Variants in COL24A1 observed in about 807,000 individuals in gnomAD.
COL24A1 encodes collagen alpha-1(XXIV) chain.
COL24A1 carries 224 observed loss-of-function variants against 253.9 expected under a neutral mutation model. The ratio of observed to expected loss-of-function variants is 0.88; its 90% CI spans 0.79 to 0.99. COL24A1 has a LOEUF of 0.99. Ranked by LOEUF, COL24A1 falls within the 50% of genes least tolerant of loss-of-function variation. The pLI is 0.00. For synonymous variants in COL24A1, 685 were observed against 673.7 expected (o/e 1.02, Z -0.26); for missense variants, 2,131 against 2,068.5 (o/e 1.03, Z -0.59).
chr1:85,944,604 T>A (rs1021460531), intron 24 of COL24A1, among the ~76,000 whole-genome samples: 15 of 146,142 alleles, frequency 1.0e-4, no homozygotes, highest in Non-Finnish European at 1.1e-4. Flanking sequence ...CTTTTTTTTT[T>A]ATTATTATTA....
intron 48 of COL24A1, among the ~76,000 whole-genome samples, chr1:85,784,901 T>C (rs1006400866): frequency 6.6e-6 from 1 of 152,028 alleles, no homozygotes; most frequent in Non-Finnish European, 1.5e-5. Context: ...TAGCTAATTC[T>C]CTATTTTTTT....
chr1:86,049,293 T>C (rs1700137706), intron 11 of COL24A1, among the ~76,000 whole-genome samples: 1 of 152,184 alleles, frequency 6.6e-6, no homozygotes, highest in South Asian at 2.1e-4. Flanking sequence ...TCACAAGTAA[T>C]TACAAGAAAA....
intron 24 of COL24A1, among the ~76,000 whole-genome samples, chr1:85,957,675 TC>T (rs1690609629): frequency 6.6e-6 from 1 of 152,188 alleles, no homozygotes; most frequent in African/African-American, 2.4e-5. Context: ...CTGGTCTAAA[TC>T]ATCTTTCTCA....
At chr1:85,842,969 C>T (rs183832066) in intron 39 of COL24A1, among the ~76,000 whole-genome samples, 1 of 151,976 alleles carries the variant, frequency 6.6e-6, no homozygotes, top group African/African-American at 2.4e-5. Context: ...CAGCAAATGC[C>T]CTTAGCCTAC....
At chr1:85,871,464 T>G (rs1336133328) in intron 35 of COL24A1, among the ~76,000 whole-genome samples, 3 of 152,094 alleles carry the variant, frequency 2.0e-5, no homozygotes, top group African/African-American at 7.2e-5. Context: ...ACTAGCAAAT[T>G]AAATCCAGCA....
chr1:85,971,407 A>G lies in COL24A1; in HGVS notation c.2365-14T>C, dbSNP rs769468743. 2.5e-6 allele frequency: 4 copies of G among 1,599,186 alleles called. No individual in the cohort carries two copies. In the South Asian group the frequency reaches 4.5e-5, roughly 18 times the overall value. On this transcript the variant is annotated splice_polypyrimidine_tract_variant and intron_variant, in intron 20 of 59. Coordinates refer to ENST00000370571, the MANE Select transcript of COL24A1 (RefSeq NM_152890.7). ...TCCAAGGAGTCCCTATAAAAGCAAT[A>G]TAAATGCACACAATAGAAATTTTAG...
chr1:86,048,651 C>T (rs576539639), intron 11 of COL24A1, among the ~76,000 whole-genome samples: 20 of 152,146 alleles, frequency 1.3e-4, no homozygotes, highest in African/African-American at 3.9e-4. Context: ...CCACCAGGCC[C>T]GGCTAATTTT....
intron 19 of COL24A1, 84 bp from the exon 20 acceptor site, chr1:85,987,738 T>C: frequency 8.5e-7 from 1 of 1,171,186 alleles, no homozygotes; most frequent in Non-Finnish European, 1.2e-6. Context: ...TTGCTATTCC[T>C]CCATATCCAG....
chr1:86,055,977 G>T (rs914022055), intron 10 of COL24A1, among the ~76,000 whole-genome samples: 1 of 152,046 alleles, frequency 6.6e-6, no homozygotes, highest in Non-Finnish European at 1.5e-5. Flanking sequence ...AATTAGCTGG[G>T]TGTGGTGGCA....
intron 5 of COL24A1, among the ~76,000 whole-genome samples, chr1:86,097,313 C>T (rs1281127780): frequency 6.6e-6 from 1 of 152,116 alleles, no homozygotes; most frequent in Non-Finnish European, 1.5e-5. Flanking sequence ...TATCCTACTT[C>T]ACTTATCATT....
At chr1:85,813,302 C>A (rs1672728597) in intron 47 of COL24A1, among the ~76,000 whole-genome samples, 1 of 151,622 alleles carries the variant, frequency 6.6e-6, no homozygotes, top group South Asian at 2.1e-4. Context: ...AAAAAGAAGT[C>A]AGCCTAAGAG....
intron 26 of COL24A1, 41 bp downstream of exon 26, chr1:85,909,909 C>T (rs1245161394): frequency 1.2e-5 from 18 of 1,527,364 alleles, no homozygotes; most frequent in East Asian, 4.5e-5. Flanking sequence ...GCTTTTATTG[C>T]ATTCTTTGGA....
chr1:86,132,115 GTGA>G (rs1649329841), intron 2 of COL24A1, among the ~76,000 whole-genome samples: 1 of 152,312 alleles, frequency 6.6e-6, no homozygotes, highest in East Asian at 1.9e-4. Context: ...CTGATGGCCA[GTGA>G]TGATGAGCAT....
Position 85,838,489 on chromosome 1 carries a change from A to G in COL24A1, c.3681+96T>C, listed in dbSNP as rs149331035. On this transcript the variant is annotated intron_variant, in intron 43 of 59. Transcript: ENST00000370571. ...TCTTCTAGGATTAAAAACATAAGACATTACTAATTATCTCAATAATGGAAT... is the reference window on the plus strand; with the variant it reads ...TCTTCTAGGATTAAAAACATAAGACGTTACTAATTATCTCAATAATGGAAT... 6,661 of 1,053,314 alleles carry G rather than the reference A, an allele frequency of 6.3e-3. 49 individuals carry two copies. Among genetic ancestry groups the G allele is most frequent in the South Asian group, 0.015 (1,151 of 76,170 alleles). The allele number at this position is 1,053,314 out of a possible 1,614,324, so 65.2% of individuals were successfully genotyped here.
At chr1:85,790,504 C>T (rs982433357) in intron 47 of COL24A1, among the ~76,000 whole-genome samples, 2 of 151,342 alleles carry the variant, frequency 1.3e-5, no homozygotes, top group Non-Finnish European at 2.9e-5. Flanking sequence ...AGACCAACTC[C>T]TGGATTCGTT....
chr1:86,001,144 C>T lies in COL24A1; in HGVS notation c.2311-13490G>A, dbSNP rs868214929. Reference sequence around the variant, plus strand: ...GCTAAATGCACTGATCTTTTCACTTCATTGTTACAGCATATGCAAGTATCA... The same window carrying T: ...GCTAAATGCACTGATCTTTTCACTTTATTGTTACAGCATATGCAAGTATCA... On this transcript the variant is annotated intron_variant, in intron 19 of 59. Coordinates refer to ENST00000370571, the MANE Select transcript of COL24A1 (RefSeq NM_152890.7). 4.6e-5 allele frequency among the ~76,000 whole-genome samples: 7 copies of T among 152,270 alleles called. No individual in the cohort carries two copies. In the Middle Eastern group the frequency reaches 0.01, roughly 222 times the overall value.
chr1:85,814,386 G>A (rs1402711216), intron 47 of COL24A1, among the ~76,000 whole-genome samples: 3 of 152,180 alleles, frequency 2.0e-5, no homozygotes, highest in Non-Finnish European at 4.4e-5. Context: ...TGTTAACTCA[G>A]TATTTTTTGT....
intron 19 of COL24A1, among the ~76,000 whole-genome samples, chr1:85,990,657 T>G (rs1254668769): frequency 6.6e-6 from 1 of 152,152 alleles, no homozygotes; most frequent in Admixed American, 6.6e-5. Context: ...TTCGAAGGTA[T>G]CAAAAGTAGA....
intron 12 of COL24A1, among the ~76,000 whole-genome samples, chr1:86,042,145 G>A (rs1447802113): frequency 1.3e-5 from 2 of 152,102 alleles, no homozygotes; most frequent in African/African-American, 4.8e-5. Flanking sequence ...ATTACAGGAA[G>A]TCTTTAAAAA....
Sources: gnomAD v4.1 joint callset for allele counts (sites outside exome capture counted in the v4.1 genomes callset) on GRCh38, gnomAD v4.1.1 for gene constraint, MANE v1.5 for transcripts, NCBI Gene and HGNC (gene_info 2026-07-23, HGNC 2026-07-21) for gene names.